The following CKAP5 variants were observed in gnomAD, a reference collection of about 807,000 sequenced individuals.
The protein encoded by CKAP5 is cytoskeleton associated protein 5.
A neutral mutation model predicts 232.8 loss-of-function variants in CKAP5; 27 were observed. The observed-to-expected ratio is 0.12, with a 90% CI of 0.09 to 0.16. The LOEUF is 0.16. Among genes scored for constraint, CKAP5 ranks in the 10% least tolerant of loss-of-function variants. The pLI is 1.00. For synonymous variants in CKAP5, 785 were observed against 841.1 expected (o/e 0.93, Z 1.16); for missense variants, 1,838 against 2,424.7 (o/e 0.76, Z 5.08).
chr11:46,838,648 T>C (rs1250299070), intron 1 of CKAP5, among the ~76,000 whole-genome samples: 3 of 114,262 alleles, frequency 2.6e-5, no homozygotes, highest in Non-Finnish European at 5.4e-5. Context: ...AAAAAAAAAT[T>C]AGCCGGGTGT....
At chr11:46,816,828 C>T (rs1426167132) in intron 3 of CKAP5, among the ~76,000 whole-genome samples, 3 of 130,086 alleles carry the variant, frequency 2.3e-5, no homozygotes, top group African/African-American at 5.8e-5. Context: ...CAGGGTTGGT[C>T]GGGTATGGTG....
chr11:46,783,187 A>C, intron 18 of CKAP5, 87 bp downstream of exon 18: 1 of 716,518 alleles, frequency 1.4e-6, no homozygotes, highest in Admixed American at 2.7e-5. Flanking sequence ...TTCAGAAATA[A>C]ACAGCAATAG....
At chr11:46,781,365 C>T (rs1413736853) in intron 18 of CKAP5, among the ~76,000 whole-genome samples, 1 of 152,192 alleles carries the variant, frequency 6.6e-6, no homozygotes, top group African/African-American at 2.4e-5. Flanking sequence ...ACTAATTCGT[C>T]TTCCTGTCTT....
At chr11:46,776,203 C>A in intron 24 of CKAP5, 52 bp downstream of exon 24, 1 of 1,551,888 alleles carries the variant, frequency 6.4e-7, no homozygotes, top group Non-Finnish European at 8.8e-7. Context: ...GCCCAAGCCC[C>A]TATGGAAGTA....
At chr11:46,750,657 T>C (rs1166945970) in intron 40 of CKAP5, 46 bp from the exon 41 acceptor site, 2 of 1,452,240 alleles carry the variant, frequency 1.4e-6, no homozygotes, top group Non-Finnish European at 9.6e-7. Flanking sequence ...ACTTGAGTTA[T>C]TAATTAGGAA....
At chr11:46,776,729 A>G (rs1474072141) in intron 23 of CKAP5, among the ~76,000 whole-genome samples, 1 of 152,212 alleles carries the variant, frequency 6.6e-6, no homozygotes, top group Non-Finnish European at 1.5e-5. Context: ...AAAGAATGAA[A>G]TTCTAAATGT....
chr11:46,840,324 G>C (rs1159292652), intron 1 of CKAP5, among the ~76,000 whole-genome samples: 1 of 151,996 alleles, frequency 6.6e-6, no homozygotes, highest in Non-Finnish European at 1.5e-5. Flanking sequence ...CTTAGGTCAG[G>C]GCCTTTGTCT....
intron 1 of CKAP5, among the ~76,000 whole-genome samples, chr11:46,830,854 G>A (rs1939774905): frequency 6.6e-6 from 1 of 152,144 alleles, no homozygotes; most frequent in Non-Finnish European, 1.5e-5. Flanking sequence ...CACGAGGTCA[G>A]GAGATCGAGA....
At position 46,780,293 on chromosome 11, in the gene CKAP5, C is replaced by G. The variant is rs149216613; in HGVS notation, c.2334G>C (p.Leu778=). The change falls in exon 20 of 44, where the codon CTG becomes CTC. Residue 778 remains leucine, a synonymous_variant. Transcript: ENST00000529230. ...NPAVRTAAIT[L]LGVMYLYVGP... ...CAACATACAGATACATCACGCCAAGCAGGGTTATGGCAGCAGTCCTCACAG... is the reference window on the plus strand; with the variant it reads ...CAACATACAGATACATCACGCCAAGGAGGGTTATGGCAGCAGTCCTCACAG... 3 of 1,614,068 alleles carry G rather than the reference C, an allele frequency of 1.9e-6. No homozygotes were observed. Among genetic ancestry groups the G allele is most frequent in the Admixed American group, 1.7e-5 (1 of 60,010 alleles).
intron 1 of CKAP5, among the ~76,000 whole-genome samples, chr11:46,836,021 A>G (rs1939910472): frequency 6.6e-6 from 1 of 152,216 alleles, no homozygotes; most frequent in African/African-American, 2.4e-5. Flanking sequence ...AGACAAAGAG[A>G]AGGGCAGTCT....
chr11:46,747,029 C>T (rs1335332609), intron 42 of CKAP5, among the ~76,000 whole-genome samples: 10 of 152,040 alleles, frequency 6.6e-5, no homozygotes, highest in Non-Finnish European at 1.5e-4. Flanking sequence ...TCCAGCTACT[C>T]GGGAGGCCAA....
intron 33 of CKAP5, 30 bp from the exon 34 acceptor site, chr11:46,759,472 T>C: frequency 6.3e-7 from 1 of 1,593,554 alleles, no homozygotes; most frequent in Non-Finnish European, 8.5e-7. Flanking sequence ...GCTCCTGAAC[T>C]AAAAGAGACT....
At position 46,751,463 on chromosome 11, in the gene CKAP5, A is replaced by T; in HGVS notation, c.5205T>A (p.Asp1735Glu). 3 of 1,614,116 alleles carry T rather than the reference A, an allele frequency of 1.9e-6. No individual in the cohort carries two copies. Among genetic ancestry groups the T allele is most frequent in the Non-Finnish European group, 1.7e-6 (2 of 1,179,972 alleles). Reference sequence around the variant, plus strand: ...GGAAGACCTTCATGAAAATGTGGATATCCAGAAGAATTCTGTCTAGGTTAA... The same window carrying T: ...GGAAGACCTTCATGAAAATGTGGATTTCCAGAAGAATTCTGTCTAGGTTAA... ...NSINLDRILL[D>E]IHIFMKVFPK... Residue 1735 changes from aspartate (D) to glutamate (E), a missense_variant, in exon 39 of 44, where the codon GAT becomes GAA. Coordinates refer to ENST00000529230, the MANE Select transcript of CKAP5 (RefSeq NM_001008938.4).
At chr11:46,803,330 T>C (rs577123012) in intron 8 of CKAP5, among the ~76,000 whole-genome samples, 11 of 152,062 alleles carry the variant, frequency 7.2e-5, no homozygotes, top group Admixed American at 4.6e-4. Context: ...AGAGTCTGGC[T>C]TGATCTCAGC....
chr11:46,750,966 T>TG, intron 40 of CKAP5, 152 bp downstream of exon 40: 1 of 882,076 alleles, frequency 1.1e-6, no homozygotes, highest in Non-Finnish European at 1.7e-6. Context: ...AAGGTGGAAA[T>TG]GGTTACTGCA....
chr11:46,760,496 C>A, intron 33 of CKAP5, 116 bp downstream of exon 33: 1 of 956,222 alleles, frequency 1.0e-6, no homozygotes. Flanking sequence ...TACCCAGACA[C>A]TCTGTCATGC....
intron 27 of CKAP5, among the ~76,000 whole-genome samples, chr11:46,765,736 G>T (rs1466424660): frequency 6.6e-6 from 1 of 151,296 alleles, no homozygotes; most frequent in Non-Finnish European, 1.5e-5. Flanking sequence ...TCCTCAGTAG[G>T]TGGGACCAAA....
At chr11:46,823,250 T>C (rs962526554) in intron 1 of CKAP5, among the ~76,000 whole-genome samples, 3 of 152,134 alleles carry the variant, frequency 2.0e-5, no homozygotes, top group Admixed American at 2.0e-4. Flanking sequence ...CCCTATGCTA[T>C]CTATCTAGAC....
chr11:46,817,959 A>G (rs559066923), intron 3 of CKAP5, among the ~76,000 whole-genome samples: 3 of 152,336 alleles, frequency 2.0e-5, no homozygotes, highest in Admixed American at 1.3e-4. Flanking sequence ...TGAAATTCTG[A>G]TAATTCCTTT....
Sources: allele counts gnomAD v4.1 joint callset (sites outside exome capture counted in the v4.1 genomes callset), GRCh38; gene constraint gnomAD v4.1.1; transcripts MANE v1.5; gene names NCBI Gene and HGNC (gene_info 2026-07-23, HGNC 2026-07-21).